Variants in ANK2 observed in about 807,000 individuals in gnomAD.
The protein encoded by ANK2 is ankyrin-2.
ANK2 carries 83 observed loss-of-function variants against 360.5 expected under a neutral mutation model. The ratio of observed to expected loss-of-function variants is 0.23; its 90% CI spans 0.19 to 0.28. The LOEUF (loss-of-function observed/expected upper bound fraction) is 0.28, where lower values mean the gene tolerates loss of function less well. ANK2 is among the 10% of genes least tolerant of loss of function. The pLI is 1.00. For missense variants in ANK2, 4,201 were observed against 4,795.7 expected (o/e 0.88, Z 3.66); for synonymous variants, 1,740 against 1,759.5 (o/e 0.99, Z 0.28).
intron 2 of ANK2, among the ~76,000 whole-genome samples, chr4:112,957,007 G>GTTTTTTTT (rs56066718): frequency 1.1e-3 from 75 of 66,406 alleles, no homozygotes; most frequent in African/African-American, 1.3e-3. Flanking sequence ...TATTGCTCTT[G>GTTTTTTTT]TTTTTTTTTT....
chr4:113,130,226 C>T (rs762379068), intron 1 of ANK2, among the ~76,000 whole-genome samples: 1 of 152,182 alleles, frequency 6.6e-6, no homozygotes, highest in Non-Finnish European at 1.5e-5. Flanking sequence ...TAGAACCCTA[C>T]ACCTAACGAA....
At chr4:113,144,921 T>C (rs1339213899) in intron 1 of ANK2, among the ~76,000 whole-genome samples, 1 of 151,308 alleles carries the variant, frequency 6.6e-6, no homozygotes, top group Non-Finnish European at 1.5e-5. Context: ...TGATCATAAT[T>C]AGCTTCATAC....
chr4:112,981,843 A>G (rs2043202733), intron 2 of ANK2, among the ~76,000 whole-genome samples: 1 of 152,202 alleles, frequency 6.6e-6, no homozygotes, highest in Non-Finnish European at 1.5e-5. Flanking sequence ...AAATCCCCAA[A>G]TTCCAAGATT....
chr4:113,282,712 A>G lies in ANK2; in HGVS notation c.1919A>G (p.Asn640Ser), dbSNP rs759958342. The part of the protein sequence containing the change: ...YTPLHIAAKK[N>S]QMQIASTLLN... ...CCGTTACATATTGCTGCCAAGAAGA[A>G]TCAAATGCAGATAGCTTCCACACTC... The change falls in exon 18 of 46, where the codon AAT becomes AGT. Residue 640 changes from asparagine to serine, a missense_variant. Around this residue, in one of 4 missense-constraint regions of ANK2, gnomAD observed 1,268 missense variants for 1,650.8 expected, o/e 0.77. Coordinates refer to ENST00000357077, the MANE Select transcript of ANK2 (RefSeq NM_001148.6). 5.6e-6 allele frequency: 9 copies of G among 1,613,668 alleles called. No homozygotes were observed. The Admixed American group carries it at 1.5e-4, about 27-fold the overall frequency.
intron 1 of ANK2, among the ~76,000 whole-genome samples, chr4:112,820,815 T>G (rs1399516863): frequency 1.3e-5 from 2 of 151,988 alleles, no homozygotes; most frequent in Non-Finnish European, 2.9e-5. Context: ...TCATAGCTCA[T>G]GTAACCTTAA....
At chr4:113,143,297 T>G in intron 1 of ANK2, among the ~76,000 whole-genome samples, 1 of 34,348 alleles carries the variant, frequency 2.9e-5, no homozygotes, top group African/African-American at 1.4e-4. Context: ...ATTAAAGGCA[T>G]GGCGGTGGAA....
At chr4:113,126,895 G>T (rs1025624509) in intron 1 of ANK2, among the ~76,000 whole-genome samples, 1 of 152,084 alleles carries the variant, frequency 6.6e-6, no homozygotes, top group Non-Finnish European at 1.5e-5. Context: ...TGCCATTGAA[G>T]GAAACTTGAT....
At chr4:113,269,925 T>G (rs182642624) in intron 14 of ANK2, among the ~76,000 whole-genome samples, 117 of 152,346 alleles carry the variant, frequency 7.7e-4, no homozygotes, top group African/African-American at 2.6e-3. Flanking sequence ...CTTGTTGTCT[T>G]GGTTTTCATC....
At chr4:113,135,278 G>C (rs1403202225) in intron 1 of ANK2, among the ~76,000 whole-genome samples, 1 of 152,180 alleles carries the variant, frequency 6.6e-6, no homozygotes, top group East Asian at 1.9e-4. Context: ...CAGCAAGTGA[G>C]TGTCATAGAT....
intron 1 of ANK2, among the ~76,000 whole-genome samples, chr4:112,850,448 T>TTC (rs1553943718): frequency 1.4e-5 from 1 of 70,920 alleles, no homozygotes; most frequent in African/African-American, 4.9e-5. Flanking sequence ...TTCGTTTCTT[T>TTC]TTTTTTTTTT....
chr4:112,811,718 T>C, the ANK2 span, among the ~76,000 whole-genome samples: 1 of 152,184 alleles, frequency 6.6e-6, no homozygotes, highest in African/African-American at 2.4e-5. Context: ...TTTTTCCAAT[T>C]GTTAGTGTTT....
chr4:113,278,646 G>T, intron 17 of ANK2, 88 bp downstream of exon 17: 1 of 1,294,546 alleles, frequency 7.7e-7, no homozygotes, highest in Non-Finnish European at 1.1e-6. Context: ...ACATGGTATA[G>T]TATAACTGCG....
At chr4:113,301,997 A>C (rs532060642) in intron 22 of ANK2, among the ~76,000 whole-genome samples, 2 of 152,342 alleles carry the variant, frequency 1.3e-5, no homozygotes, top group African/African-American at 4.8e-5. Flanking sequence ...ACATCATTTA[A>C]TCTTCCTAAC....
chr4:112,947,185 C>G (rs372207772), intron 2 of ANK2, among the ~76,000 whole-genome samples: 45 of 152,168 alleles, frequency 3.0e-4, no homozygotes, highest in Non-Finnish European at 3.5e-4. Context: ...AATGTTATGC[C>G]CTTCAATGAA....
intron 2 of ANK2, among the ~76,000 whole-genome samples, chr4:113,030,805 A>G (rs546758754): frequency 1.3e-5 from 2 of 152,254 alleles, no homozygotes; most frequent in Admixed American, 6.6e-5. Context: ...AGAAGGCCGT[A>G]GATGAGTACA....
intron 1 of ANK2, among the ~76,000 whole-genome samples, chr4:112,840,305 G>A (rs564530781): frequency 5.1e-4 from 77 of 152,324 alleles, no homozygotes; most frequent in East Asian, 2.7e-3. Flanking sequence ...GAGATACAGT[G>A]ATACAGCACA....
At chr4:112,780,652 G>A in the ANK2 span, among the ~76,000 whole-genome samples, 1 of 152,080 alleles carries the variant, frequency 6.6e-6, no homozygotes, top group East Asian at 1.9e-4. Flanking sequence ...AGATTTAATT[G>A]ACTCAGTTCC....
intron 2 of ANK2, among the ~76,000 whole-genome samples, chr4:113,010,347 G>A (rs1230291162): frequency 2.0e-5 from 3 of 152,060 alleles, no homozygotes; most frequent in Admixed American, 2.0e-4. Flanking sequence ...GTTACCTCTA[G>A]TCCTATCAAA....
intron 2 of ANK2, among the ~76,000 whole-genome samples, chr4:112,950,657 A>G (rs1486098201): frequency 6.6e-6 from 1 of 151,616 alleles, no homozygotes; most frequent in Non-Finnish European, 1.5e-5. Flanking sequence ...AAGAAAAAAA[A>G]AAAAAAGAAA....
Sources: allele counts gnomAD v4.1 joint callset (sites outside exome capture counted in the v4.1 genomes callset), GRCh38; gene constraint gnomAD v4.1.1; regional missense constraint gnomAD v4.1.1; transcripts MANE v1.5; gene names NCBI Gene and HGNC (gene_info 2026-07-23, HGNC 2026-07-21).